WWOX: variants seen among roughly 807,000 people sequenced by gnomAD.
WWOX encodes the protein WW domain-containing oxidoreductase.
A neutral mutation model predicts 46.2 loss-of-function variants in WWOX; 69 were observed. That is an observed-to-expected ratio of 1.49 (90% confidence interval 1.23 to 1.82). The LOEUF is 1.82. WWOX is among the 40% of genes most tolerant of loss of function. The pLI is 0.00. For missense variants in WWOX, 919 were observed against 542.6 expected, an observed-to-expected ratio of 1.69 and a Z score of -6.89; for synonymous variants, 359 against 202.6, an observed-to-expected ratio of 1.77 and a Z score of -6.56.
Position 78,278,668 on chromosome 16 carries a change from A to T in WWOX, c.517-108192A>T, listed in dbSNP as rs1332137791. 3 of 1,606,332 alleles carry T rather than the reference A, an allele frequency of 1.9e-6. No homozygotes were observed. In the African/African-American group the frequency reaches 4.0e-5, roughly 21 times the overall value. On this transcript the variant is annotated intron_variant, in intron 5 of 8. Coordinates refer to ENST00000566780, the MANE Select transcript of WWOX (RefSeq NM_016373.4). The stretch of plus-strand genomic sequence containing the variant: ...AAATTTTCCACTAGCAAAAGAAGGA[A>T]AAAATAAAAGATCTTGAATAGTCTC...
chr16:78,618,379 C>G (rs1356969694), intron 8 of WWOX, among the ~76,000 whole-genome samples: 1 of 152,192 alleles, frequency 6.6e-6, no homozygotes, highest in Non-Finnish European at 1.5e-5. Flanking sequence ...AAGGTGTCAG[C>G]AGGGTTGGTT....
intron 8 of WWOX, among the ~76,000 whole-genome samples, chr16:78,661,844 C>G (rs1175647199): frequency 6.6e-6 from 1 of 152,210 alleles, no homozygotes; most frequent in Non-Finnish European, 1.5e-5. Context: ...AGAGACCAGC[C>G]TGGGCAAACA....
At position 78,425,888 on chromosome 16, in the gene WWOX, G is replaced by A. The variant is rs535704909; in HGVS notation, c.791+833G>A. ...GCCTATTTTTTCCTCCTTCTTCTCC[G>A]TCTTAAGTCCTGAAATGTTTTAGTG... On this transcript the variant is annotated intron_variant, in intron 7 of 8. Transcript: ENST00000566780. Among the ~76,000 whole-genome samples, 206 of 151,946 alleles carry A rather than the reference G, an allele frequency of 1.4e-3. 1 individual carries two copies. The highest frequency in any genetic ancestry group is 4.2e-3 in the African/African-American group (175 of 41,390).
intron 8 of WWOX, among the ~76,000 whole-genome samples, chr16:78,536,382 C>T (rs1442443282): frequency 6.6e-6 from 1 of 151,748 alleles, no homozygotes; most frequent in Non-Finnish European, 1.5e-5. Flanking sequence ...AGCTGTGGGG[C>T]ATCCAAGATA....
At chr16:78,232,062 A>G (rs2037287018) in intron 5 of WWOX, among the ~76,000 whole-genome samples, 1 of 152,222 alleles carries the variant, frequency 6.6e-6, no homozygotes, top group Non-Finnish European at 1.5e-5. Context: ...ATTAGGGGCT[A>G]CACAATTTAA....
chr16:78,207,706 G>A (rs1167021428), intron 5 of WWOX, among the ~76,000 whole-genome samples: 1 of 150,630 alleles, frequency 6.6e-6, no homozygotes, highest in Non-Finnish European at 1.5e-5. Flanking sequence ...GGCTGCAGTG[G>A]GCTGTGATTG....
chr16:78,773,468 G>C lies in WWOX; in HGVS notation c.1056+340716G>C, dbSNP rs556279089. Among the ~76,000 whole-genome samples, 110 of 152,326 alleles carry C rather than the reference G, an allele frequency of 7.2e-4. 1 individual carries two copies. The highest frequency in any genetic ancestry group is 2.6e-3 in the African/African-American group (109 of 41,572). On this transcript the variant is annotated intron_variant, in intron 8 of 8. Coordinates refer to ENST00000566780, the MANE Select transcript of WWOX (RefSeq NM_016373.4). Reference sequence around the variant, plus strand: ...ACATTCCTCCCTCATTTAAAACAATGAGGCGGGCAGCAGGGTACTTTGTCC... The same window carrying C: ...ACATTCCTCCCTCATTTAAAACAATCAGGCGGGCAGCAGGGTACTTTGTCC...
chr16:78,778,560 G>C (rs2050247708), intron 8 of WWOX, among the ~76,000 whole-genome samples: 1 of 152,184 alleles, frequency 6.6e-6, no homozygotes, highest in Admixed American at 6.5e-5. Flanking sequence ...CTTCTCAGAA[G>C]AGCGACGCAA....
At position 78,620,553 on chromosome 16, in the gene WWOX, T is replaced by A. The variant is rs569410163; in HGVS notation, c.1056+187801T>A. Among the ~76,000 whole-genome samples, 6 of 152,256 alleles carry A rather than the reference T, an allele frequency of 3.9e-5. No homozygotes were observed. The South Asian group carries it at 1.2e-3, about 32-fold the overall frequency. On this transcript the variant is annotated intron_variant, in intron 8 of 8. Coordinates refer to ENST00000566780, the MANE Select transcript of WWOX (RefSeq NM_016373.4). ...CTAGATAGTGGGTAGGGTGGGACAG[T>A]TTTATGTCCTCTGCCACCTTATCTG...
At chr16:79,006,631 A>G (rs901871211) in intron 8 of WWOX, among the ~76,000 whole-genome samples, 3 of 152,168 alleles carry the variant, frequency 2.0e-5, no homozygotes, top group African/African-American at 7.2e-5. Flanking sequence ...ATTATCTGAC[A>G]GTCCCATAAG....
chr16:78,331,168 G>C (rs921326027), intron 5 of WWOX, among the ~76,000 whole-genome samples: 14 of 152,134 alleles, frequency 9.2e-5, no homozygotes, highest in Admixed American at 2.0e-4. Context: ...AATTTGGAAC[G>C]GCTTTTTGTT....
intron 5 of WWOX, among the ~76,000 whole-genome samples, chr16:78,271,994 G>T (rs2079485702): frequency 6.6e-6 from 1 of 152,206 alleles, no homozygotes; most frequent in African/African-American, 2.4e-5. Flanking sequence ...TCAGCCAGGA[G>T]ACTACAGATA....
intron 8 of WWOX, among the ~76,000 whole-genome samples, chr16:78,801,077 A>G (rs2050873397): frequency 6.6e-6 from 1 of 151,168 alleles, no homozygotes; most frequent in Admixed American, 6.6e-5. Context: ...TTTTAAAGAC[A>G]GAGTCTCACT....
At chr16:79,135,844 C>G (rs765553905) in intron 8 of WWOX, among the ~76,000 whole-genome samples, 10 of 152,094 alleles carry the variant, frequency 6.6e-5, no homozygotes, top group Middle Eastern at 3.2e-3. Flanking sequence ...CTTTTATTGA[C>G]CATTCACATT....
chr16:79,093,548 C>G (rs2049007281), intron 8 of WWOX, among the ~76,000 whole-genome samples: 1 of 152,084 alleles, frequency 6.6e-6, no homozygotes, highest in South Asian at 2.1e-4. Context: ...AGTGGCTCAG[C>G]CACCACCCGC....
At chr16:79,069,810 G>A (rs1421202336) in intron 8 of WWOX, among the ~76,000 whole-genome samples, 1 of 152,104 alleles carries the variant, frequency 6.6e-6, no homozygotes, top group Non-Finnish European at 1.5e-5. Context: ...CCTGTGTTTT[G>A]CTAACTGGTG....
At chr16:78,747,066 T>C (rs2049364722) in intron 8 of WWOX, among the ~76,000 whole-genome samples, 1 of 152,090 alleles carries the variant, frequency 6.6e-6, no homozygotes, top group African/African-American at 2.4e-5. Context: ...GTCCTCCCAA[T>C]ATCCTGCAAC....
chr16:79,209,207 C>G (rs561725935), intron 8 of WWOX, among the ~76,000 whole-genome samples: 42 of 152,278 alleles, frequency 2.8e-4, no homozygotes, highest in African/African-American at 9.1e-4. Flanking sequence ...TGAAATGAAG[C>G]CAGTTGTAAT....
intron 8 of WWOX, among the ~76,000 whole-genome samples, chr16:78,813,047 A>G (rs1253893655): frequency 6.6e-6 from 1 of 151,896 alleles, no homozygotes; most frequent in Admixed American, 6.6e-5. Context: ...ATTTCCGTCT[A>G]GTTATAGGAA....
Sources: gnomAD v4.1 joint callset for allele counts (sites outside exome capture counted in the v4.1 genomes callset) on GRCh38, gnomAD v4.1.1 for gene constraint, MANE v1.5 for transcripts, NCBI Gene and HGNC (gene_info 2026-07-23, HGNC 2026-07-21) for gene names.